Variants in WWOX observed in about 807,000 individuals in gnomAD.
WWOX encodes WW domain-containing oxidoreductase.
In WWOX, 69 loss-of-function variants were observed where a neutral mutation model predicts 46.2. The observed-to-expected ratio is 1.49, with a 90% CI of 1.23 to 1.82. The LOEUF (loss-of-function observed/expected upper bound fraction) is 1.82, where lower values mean the gene tolerates loss of function less well. Ranked by LOEUF, WWOX falls within the 40% of genes most tolerant of loss-of-function variation. The pLI, the probability that WWOX is intolerant of heterozygous loss-of-function variation, is 0.00. For missense variants in WWOX, 919 were observed against 542.6 expected (o/e 1.69, Z -6.89); for synonymous variants, 359 against 202.6 (o/e 1.77, Z -6.56).
At chr16:78,135,348 C>G (rs1485801495) in intron 4 of WWOX, among the ~76,000 whole-genome samples, 2 of 152,158 alleles carry the variant, frequency 1.3e-5, no homozygotes, top group African/African-American at 2.4e-5. Context: ...GGAGGGGAAG[C>G]TTTAGTTTCC....
chr16:78,777,293 G>C (rs570318855), intron 8 of WWOX, among the ~76,000 whole-genome samples: 55 of 152,200 alleles, frequency 3.6e-4, no homozygotes, highest in East Asian at 1.4e-3. Flanking sequence ...ACAGGAATTT[G>C]TACAAAGAAA....
intron 8 of WWOX, among the ~76,000 whole-genome samples, chr16:79,132,688 T>C (rs1169951940): frequency 6.6e-6 from 1 of 152,164 alleles, no homozygotes; most frequent in Non-Finnish European, 1.5e-5. Flanking sequence ...ATATTGTCGC[T>C]TAAAAAAAAC....
intron 8 of WWOX, among the ~76,000 whole-genome samples, chr16:79,188,673 G>A (rs1038393415): frequency 6.6e-6 from 1 of 152,220 alleles, no homozygotes; most frequent in African/African-American, 2.4e-5. Context: ...TGCATGTGCT[G>A]GGTTGGGTCC....
At chr16:78,858,490 A>G (rs887610973) in intron 8 of WWOX, among the ~76,000 whole-genome samples, 1 of 152,164 alleles carries the variant, frequency 6.6e-6, no homozygotes, top group Admixed American at 6.6e-5. Flanking sequence ...AACTATACAC[A>G]TAGCTGAATG....
intron 8 of WWOX, among the ~76,000 whole-genome samples, chr16:78,657,077 C>G (rs1016459402): frequency 7.2e-5 from 11 of 152,098 alleles, no homozygotes; most frequent in Admixed American, 3.9e-4. Context: ...TTGAGTGGTG[C>G]CATCATTCAT....
intron 5 of WWOX, among the ~76,000 whole-genome samples, chr16:78,269,553 C>T (rs533604164): frequency 5.3e-5 from 8 of 152,122 alleles, no homozygotes; most frequent in East Asian, 1.9e-4. Flanking sequence ...ACTGGTGACT[C>T]GGAGATCAGC....
intron 5 of WWOX, among the ~76,000 whole-genome samples, chr16:78,362,970 TC>T (rs1230960672): frequency 3.3e-5 from 5 of 152,142 alleles, no homozygotes; most frequent in Non-Finnish European, 1.5e-5. Flanking sequence ...TCTGATTCCT[TC>T]CCCAGCATTA....
intron 8 of WWOX, among the ~76,000 whole-genome samples, chr16:79,115,586 C>G (rs920203558): frequency 6.6e-6 from 1 of 152,188 alleles, no homozygotes; most frequent in Non-Finnish European, 1.5e-5. Flanking sequence ...TCAGAAAAAG[C>G]CCAGTTCTTC....
chr16:78,991,327 C>T (rs2046882241), intron 8 of WWOX, among the ~76,000 whole-genome samples: 1 of 152,164 alleles, frequency 6.6e-6, no homozygotes, highest in South Asian at 2.1e-4. Context: ...GGCACAGTGG[C>T]TCACGCCTGT....
intron 5 of WWOX, among the ~76,000 whole-genome samples, chr16:78,285,055 G>A (rs1334017348): frequency 6.6e-6 from 1 of 152,128 alleles, no homozygotes; most frequent in Non-Finnish European, 1.5e-5. Flanking sequence ...CTTAAACCCA[G>A]AGGGCACTTC....
chr16:78,239,907 C>G (rs1482209100), intron 5 of WWOX, among the ~76,000 whole-genome samples: 2 of 152,102 alleles, frequency 1.3e-5, no homozygotes, highest in African/African-American at 2.4e-5. Context: ...AGGCACCTGT[C>G]TTTATACATT....
At chr16:78,598,921 C>T (rs965308403) in intron 8 of WWOX, among the ~76,000 whole-genome samples, 2 of 152,166 alleles carry the variant, frequency 1.3e-5, no homozygotes, top group African/African-American at 2.4e-5. Context: ...CTCAGATTCC[C>T]GCCTCTCAAC....
chr16:79,069,877 T>C lies in WWOX; in HGVS notation c.1057-141731T>C, dbSNP rs149511851. ...ACCAACTTTGGCCCAAATTGACTCATTGAAAAACACCTTGTTTCAAATTTT... is the reference window on the plus strand; with the variant it reads ...ACCAACTTTGGCCCAAATTGACTCACTGAAAAACACCTTGTTTCAAATTTT... On this transcript the variant is annotated intron_variant, in intron 8 of 8. Transcript: ENST00000566780. Among the ~76,000 whole-genome samples the C allele has an allele frequency of 3.9e-3, 599 of 152,302 alleles. 9 individuals are homozygous for C. In the East Asian group the frequency reaches 0.041, roughly 10 times the overall value.
rs146712212 is a variant in WWOX at position 78,392,186 on chromosome 16, C to T, written c.605+5238C>T. 4.9e-3 allele frequency among the ~76,000 whole-genome samples: 747 copies of T among 152,114 alleles called. 7 individuals are homozygous for T. The highest frequency in any genetic ancestry group is 6.3e-3 in the Non-Finnish European group (430 of 67,974). On this transcript the variant is annotated intron_variant, in intron 6 of 8. Transcript: ENST00000566780. ...AGGAAGCTGCGTCTGTGCTTAGAGC[C>T]GCTCTCTGTCACTCTCATTAGTGCC...
chr16:79,181,885 C>A (rs2050918783), intron 8 of WWOX, among the ~76,000 whole-genome samples: 1 of 152,216 alleles, frequency 6.6e-6, no homozygotes, highest in South Asian at 2.1e-4. Flanking sequence ...AGGAATAATT[C>A]TGTTCCCCAC....
At chr16:79,025,041 G>T (rs2047609898) in intron 8 of WWOX, among the ~76,000 whole-genome samples, 1 of 152,180 alleles carries the variant, frequency 6.6e-6, no homozygotes, top group Non-Finnish European at 1.5e-5. Context: ...GGAGGACCTT[G>T]TGTTCCTGCT....
At chr16:78,868,415 G>A (rs576991691) in intron 8 of WWOX, among the ~76,000 whole-genome samples, 1 of 152,204 alleles carries the variant, frequency 6.6e-6, no homozygotes, top group African/African-American at 2.4e-5. Flanking sequence ...GGGCAATTTT[G>A]GGGGGTCAAG....
Position 78,742,926 on chromosome 16 carries a change from G to A in WWOX, c.1056+310174G>A, listed in dbSNP as rs147842146. Among the ~76,000 whole-genome samples the A allele has an allele frequency of 4.3e-3, 650 of 152,232 alleles. 5 individuals are homozygous for A. The highest frequency in any genetic ancestry group is 0.015 in the African/African-American group (624 of 41,540). ...CACTTCCTGGGCCTCCCAAAAAGAG[G>A]AAGGAGAAGGCCCTGGCTTGTGGAA... is the stretch of plus-strand genomic sequence containing the variant. On this transcript the variant is annotated intron_variant, in intron 8 of 8. Coordinates refer to ENST00000566780, the MANE Select transcript of WWOX (RefSeq NM_016373.4).
intron 5 of WWOX, among the ~76,000 whole-genome samples, chr16:78,189,309 C>T (rs939924365): frequency 3.9e-5 from 6 of 152,214 alleles, no homozygotes; most frequent in African/African-American, 7.2e-5. Context: ...GCTGTAGTCC[C>T]GCCCCGAGGG....
Sources: gnomAD v4.1 joint callset for allele counts (sites outside exome capture counted in the v4.1 genomes callset) on GRCh38, gnomAD v4.1.1 for gene constraint, MANE v1.5 for transcripts, NCBI Gene and HGNC (gene_info 2026-07-23, HGNC 2026-07-21) for gene names.